Variants in MAPK8IP1 observed in about 807,000 individuals in gnomAD.
MAPK8IP1 encodes the protein C-Jun-amino-terminal kinase-interacting protein 1.
Under a neutral mutation model 72.6 loss-of-function variants are expected in MAPK8IP1, and 17 were observed. That is an observed-to-expected ratio of 0.23 (90% CI 0.16 to 0.35). The LOEUF is 0.35. Among genes scored for constraint, MAPK8IP1 ranks in the 10% least tolerant of loss-of-function variants. The pLI, the probability that MAPK8IP1 is intolerant of heterozygous loss-of-function variation, is 1.00. For synonymous variants in MAPK8IP1, 401 were observed against 443.4 expected (o/e 0.90, Z 1.20); for missense variants, 789 against 1,009.7 (o/e 0.78, Z 2.96).
At chr11:45,890,693 G>C (rs938809479) in intron 1 of MAPK8IP1, among the ~76,000 whole-genome samples, 45 of 152,162 alleles carry the variant, frequency 3.0e-4, no homozygotes, top group African/African-American at 1.1e-3. Flanking sequence ...TCCTTGGTGG[G>C]TGGGGTGTCC....
chr11:45,903,871 G>T lies in MAPK8IP1; in HGVS notation c.1494-118G>T. 8 of 942,690 alleles carry T rather than the reference G, an allele frequency of 8.5e-6. No individual in the cohort carries two copies. The highest frequency in any genetic ancestry group is 1.4e-5 in the Non-Finnish European group (8 of 583,048). 58.4% of individuals were successfully genotyped at this position (942,690 alleles called of 1,614,324 possible). A position where few individuals can be genotyped will look rare whatever the true frequency, so the allele number is the denominator to read the frequency against. ...GGGTTAGTACTGCAACAGGCACACA[G>T]GATGCTTTTGCAAATGTTTACTGAA... is the stretch of plus-strand genomic sequence containing the variant. On this transcript the variant is annotated intron_variant, in intron 6 of 11. Coordinates refer to ENST00000241014, the MANE Select transcript of MAPK8IP1 (RefSeq NM_005456.4). This position sits in a 1 kb window ranked among gnomAD's most constrained non-coding sequence, Gnocchi z 6.4.
At chr11:45,893,232 C>G (rs1001216321) in intron 1 of MAPK8IP1, among the ~76,000 whole-genome samples, 1 of 147,380 alleles carries the variant, frequency 6.8e-6, no homozygotes, top group Non-Finnish European at 1.5e-5. Context: ...CAGCCTACTA[C>G]GGAGCTGAAA....
chr11:45,897,304 A>G (rs2086616187), intron 1 of MAPK8IP1, among the ~76,000 whole-genome samples: 1 of 151,296 alleles, frequency 6.6e-6, no homozygotes, highest in South Asian at 2.1e-4. Flanking sequence ...TGAGGTGGGG[A>G]CTCAGGGCTG....
At position 45,902,687 on chromosome 11, in the gene MAPK8IP1, T is replaced by C; in HGVS notation, c.920T>C (p.Met307Thr). 6.2e-7 allele frequency: 1 copy of C among 1,611,016 alleles called. No individual in the cohort carries two copies. Among genetic ancestry groups the C allele is most frequent in the Non-Finnish European group, 8.5e-7 (1 of 1,179,832 alleles). The change falls in exon 5 of 12, where the codon ATG (methionine) becomes ACG (threonine). Residue 307 changes from methionine (M) to threonine (T), a missense_variant. Physicochemically the swap from Met to Thr is moderately conservative, Grantham distance 81. This residue lies in a region of MAPK8IP1 where 377 missense variants were observed against 411.7 expected (regional missense o/e 0.92). Coordinates refer to ENST00000241014, the MANE Select transcript of MAPK8IP1 (RefSeq NM_005456.4). This position sits in a 1 kb window ranked among gnomAD's most constrained non-coding sequence, Gnocchi z 9.3. ...TTCCTGCCGCCCACTGAGAGCCGGATGTCAGTCAGCTCCGATCCAGACCCT... is the reference window on the plus strand; with the variant it reads ...TTCCTGCCGCCCACTGAGAGCCGGACGTCAGTCAGCTCCGATCCAGACCCT... The part of the protein sequence containing the change: ...SAFLPPTESR[M>T]SVSSDPDPAA...
chr11:45,892,261 C>T lies in MAPK8IP1; in HGVS notation c.102-5824C>T, dbSNP rs567223774. The stretch of plus-strand genomic sequence containing the variant: ...CACCGTTTCAGCCAGCACCGTCTTC[C>T]CAGAGGACCTGACATCCTAGCCCAG... On this transcript the variant is annotated intron_variant, in intron 1 of 11. Coordinates refer to ENST00000241014, the MANE Select transcript of MAPK8IP1 (RefSeq NM_005456.4). 3.6e-3 allele frequency among the ~76,000 whole-genome samples: 548 copies of T among 152,266 alleles called. 3 individuals are homozygous for T. Among genetic ancestry groups the T allele is most frequent in the Non-Finnish European group, 5.1e-3 (344 of 68,024 alleles).
Position 45,904,130 on chromosome 11 carries a change from C to T in MAPK8IP1, c.1635C>T (p.Ile545=), listed in dbSNP as rs2086682518. ...ARGVFPAYYA[I]EVTKEPEHMA... ...GTGTCTTTCCTGCCTATTACGCCAT[C>T]GAGGTCACCAAGGAGCCCGAGCACA... Residue 545 remains isoleucine, a synonymous_variant, in exon 7 of 12, where the codon ATC becomes ATT. Transcript: ENST00000241014. The surrounding 1 kb of genome is among the most constrained non-coding windows in gnomAD (Gnocchi z 6.4). 3 of 1,613,934 alleles carry T rather than the reference C, an allele frequency of 1.9e-6. No individual in the cohort carries two copies. Among genetic ancestry groups the T allele is most frequent in the African/African-American group, 2.7e-5 (2 of 74,894 alleles).
chr11:45,894,855 AGTGG>A (rs2086591850), intron 1 of MAPK8IP1, among the ~76,000 whole-genome samples: 1 of 152,168 alleles, frequency 6.6e-6, no homozygotes, highest in Non-Finnish European at 1.5e-5. Flanking sequence ...GGGGGTGGGA[AGTGG>A]GTGTTTCTGA....
chr11:45,896,169 G>A (rs774165280), intron 1 of MAPK8IP1, among the ~76,000 whole-genome samples: 10 of 152,226 alleles, frequency 6.6e-5, no homozygotes, highest in Non-Finnish European at 1.5e-4. Context: ...GCCCTTAGCT[G>A]TGGCTCTGGT....
At position 45,900,023 on chromosome 11, in the gene MAPK8IP1, C is replaced by T; in HGVS notation, c.208-115C>T. 3 of 641,468 alleles carry T rather than the reference C, an allele frequency of 4.7e-6. No individual in the cohort carries two copies. Among genetic ancestry groups the T allele is most frequent in the African/African-American group, 1.9e-5 (1 of 51,664 alleles). 39.7% of individuals were successfully genotyped at this position (641,468 alleles called of 1,614,324 possible). On this transcript the variant is annotated intron_variant, in intron 2 of 11. Transcript: ENST00000241014. This position sits in a 1 kb window ranked among gnomAD's most constrained non-coding sequence, Gnocchi z 6.5. Reference sequence around the variant, plus strand: ...CCAGTCTCCGGCGGCCCCTGCTCGGCTCCCCTCGTGCCCCCTTCGCGCCAC... The same window carrying T: ...CCAGTCTCCGGCGGCCCCTGCTCGGTTCCCCTCGTGCCCCCTTCGCGCCAC...
chr11:45,904,786 G>C lies in MAPK8IP1; in HGVS notation c.1845G>C (p.Val615=), dbSNP rs764224313. Residue 615 remains valine (V), a synonymous_variant, in exon 9 of 12, where the codon GTG becomes GTC. Coordinates refer to ENST00000241014, the MANE Select transcript of MAPK8IP1 (RefSeq NM_005456.4). The surrounding 1 kb of genome is among the most constrained non-coding windows in gnomAD (Gnocchi z 6.4). ...CCAGCTGTGTCCTGGAGATCAGCGT[G>C]CGGGGTGTGAAGATAGGCGTCAAGG... ...PPSSCVLEIS[V]RGVKIGVKAD... 2 of 1,614,076 alleles carry C rather than the reference G, an allele frequency of 1.2e-6. No homozygotes were observed. Among genetic ancestry groups the C allele is most frequent in the Admixed American group, 3.3e-5 (2 of 60,028 alleles).
At position 45,902,085 on chromosome 11, in the gene MAPK8IP1, C is replaced by T. The variant is rs1427068790; in HGVS notation, c.604+24C>T. On this transcript the variant is annotated intron_variant, in intron 4 of 11. Coordinates refer to ENST00000241014, the MANE Select transcript of MAPK8IP1 (RefSeq NM_005456.4). The surrounding 1 kb of genome is among the most constrained non-coding windows in gnomAD (Gnocchi z 9.3). ...AGGTAAGTCAGGGCCCTCTTCCTTA[C>T]CTGGACCTCCGCCTGCCCTGACTCA... 3.8e-6 allele frequency: 6 copies of T among 1,594,894 alleles called. No homozygotes were observed. The Admixed American group carries it at 1.0e-4, about 27-fold the overall frequency.
chr11:45,890,418 T>C (rs887255312), intron 1 of MAPK8IP1, among the ~76,000 whole-genome samples: 4 of 152,220 alleles, frequency 2.6e-5, no homozygotes, highest in African/African-American at 4.8e-5. Context: ...TCTCATAATG[T>C]TTCAAAAAAG....
intron 1 of MAPK8IP1, among the ~76,000 whole-genome samples, chr11:45,888,016 G>GC (rs2086540804): frequency 6.6e-6 from 1 of 152,192 alleles, no homozygotes; most frequent in African/African-American, 2.4e-5. Flanking sequence ...TTACCTGTGT[G>GC]CCCTGACACT....
At chr11:45,886,351 G>A (rs1005802197) in intron 1 of MAPK8IP1, among the ~76,000 whole-genome samples, 6 of 152,342 alleles carry the variant, frequency 3.9e-5, no homozygotes, top group African/African-American at 1.4e-4. Flanking sequence ...CATTGTTGGT[G>A]CTGGGAGGAG....
chr11:45,896,677 C>T (rs1190143319), intron 1 of MAPK8IP1: 11 of 1,405,074 alleles, frequency 7.8e-6, no homozygotes, highest in African/African-American at 2.9e-5. Flanking sequence ...GGACCCGGGT[C>T]GGCAGCTGCA....
chr11:45,895,909 C>A (rs2086601497), intron 1 of MAPK8IP1, among the ~76,000 whole-genome samples: 1 of 152,004 alleles, frequency 6.6e-6, no homozygotes, highest in Non-Finnish European at 1.5e-5. Flanking sequence ...CTGGGCCAGG[C>A]CCTCCTCCCC....
intron 1 of MAPK8IP1, among the ~76,000 whole-genome samples, chr11:45,890,958 G>A (rs952793012): frequency 2.6e-5 from 4 of 152,172 alleles, no homozygotes; most frequent in South Asian, 4.1e-4. Context: ...ATGGCTGGCC[G>A]GTGGCCTGTT....
chr11:45,896,786 C>T (rs2086609495), intron 1 of MAPK8IP1: 1 of 1,533,360 alleles, frequency 6.5e-7, no homozygotes, highest in Admixed American at 2.0e-5. Context: ...GCCAGAGGCC[C>T]CCAGCCCTGC....
At chr11:45,895,633 A>AAATAT (rs1554960474) in intron 1 of MAPK8IP1, among the ~76,000 whole-genome samples, 7 of 42,512 alleles carry the variant, frequency 1.6e-4, no homozygotes, top group African/African-American at 3.4e-4. Flanking sequence ...AAAAAAAAAA[A>AAATAT]ATATATATAT....
Sources: allele counts gnomAD v4.1 joint callset (sites outside exome capture counted in the v4.1 genomes callset), GRCh38; gene constraint gnomAD v4.1.1; regional missense constraint gnomAD v4.1.1; non-coding constraint Gnocchi (gnomAD v3.1); transcripts MANE v1.5; gene names NCBI Gene and HGNC (gene_info 2026-07-23, HGNC 2026-07-21).